RBFOX1: variants seen among roughly 807,000 people sequenced by gnomAD.
The protein encoded by RBFOX1 is RNA binding protein fox-1 homolog 1.
Under a neutral mutation model 57.7 loss-of-function variants are expected in RBFOX1, and 8 were observed. That is an observed-to-expected ratio of 0.14 (90% confidence interval 0.08 to 0.25). RBFOX1 has a LOEUF of 0.25. Among genes scored for constraint, RBFOX1 ranks in the 10% least tolerant of loss-of-function variants. RBFOX1 has a pLI of 1.00. For missense variants in RBFOX1, 611 were observed against 548.5 expected (o/e 1.11, Z -1.14); for synonymous variants, 326 against 222.4 (o/e 1.47, Z -4.15).
chr16:6,928,824 C>G (rs994116002), intron 3 of RBFOX1, among the ~76,000 whole-genome samples: 5 of 152,102 alleles, frequency 3.3e-5, no homozygotes, highest in East Asian at 3.9e-4. Context: ...AGAACAGTAA[C>G]ACACACAAAA....
intron 3 of RBFOX1, among the ~76,000 whole-genome samples, chr16:5,609,639 C>T (rs2047704375): frequency 6.6e-6 from 1 of 152,208 alleles, no homozygotes; most frequent in Admixed American, 6.5e-5. Flanking sequence ...TGCATCCAAA[C>T]CCTCATGTAC....
intron 1 of RBFOX1, among the ~76,000 whole-genome samples, chr16:6,217,767 C>T (rs1051855850): frequency 1.3e-5 from 2 of 152,154 alleles, no homozygotes; most frequent in African/African-American, 4.8e-5. Flanking sequence ...GTAATCCCAG[C>T]ACTTTGGGAG....
At chr16:7,557,029 A>T (rs1297922892) in intron 5 of RBFOX1, among the ~76,000 whole-genome samples, 1 of 152,212 alleles carries the variant, frequency 6.6e-6, no homozygotes, top group Non-Finnish European at 1.5e-5. Context: ...TCAATTATTG[A>T]ACAGTTATTT....
chr16:7,019,890 C>G (rs1255207306), intron 3 of RBFOX1, among the ~76,000 whole-genome samples: 1 of 152,178 alleles, frequency 6.6e-6, no homozygotes, highest in Non-Finnish European at 1.5e-5. Context: ...TGCGTGTGTT[C>G]CAACTAAACC....
intron 1 of RBFOX1, among the ~76,000 whole-genome samples, chr16:6,262,541 C>T (rs1388851692): frequency 1.3e-5 from 2 of 152,118 alleles, no homozygotes; most frequent in Non-Finnish European, 2.9e-5. Context: ...TTGGTTAAAA[C>T]TATGCGTTTG....
intron 3 of RBFOX1, among the ~76,000 whole-genome samples, chr16:5,634,476 T>G (rs995511456): frequency 1.3e-5 from 2 of 152,118 alleles, no homozygotes; most frequent in Non-Finnish European, 2.9e-5. Context: ...TAAACAAAAT[T>G]AAAGAACTTG....
At chr16:7,019,252 A>G (rs545361483) in intron 3 of RBFOX1, among the ~76,000 whole-genome samples, 1 of 152,158 alleles carries the variant, frequency 6.6e-6, no homozygotes, top group South Asian at 2.1e-4. Context: ...AGGTTTTGTT[A>G]GGTTGGTGCT....
intron 4 of RBFOX1, among the ~76,000 whole-genome samples, chr16:7,055,213 A>G (rs1224011332): frequency 2.0e-5 from 3 of 152,214 alleles, no homozygotes; most frequent in East Asian, 1.9e-4. Context: ...AGTTGGATAT[A>G]ATATACAACG....
At chr16:5,640,204 C>G (rs528085446) in intron 3 of RBFOX1, among the ~76,000 whole-genome samples, 1 of 152,286 alleles carries the variant, frequency 6.6e-6, no homozygotes, top group South Asian at 2.1e-4. Flanking sequence ...TGGAGGACTG[C>G]TCATTTCCAA....
At chr16:6,625,266 T>G (rs2154050911) in intron 2 of RBFOX1, among the ~76,000 whole-genome samples, 1 of 150,204 alleles carries the variant, frequency 6.7e-6, no homozygotes, top group South Asian at 2.1e-4. Context: ...TTGAGTTAAG[T>G]GCTAAAGTGA....
chr16:7,220,339 T>C (rs1177822329), intron 4 of RBFOX1, among the ~76,000 whole-genome samples: 1 of 152,204 alleles, frequency 6.6e-6, no homozygotes, highest in African/African-American at 2.4e-5. Context: ...AAACTTGGTG[T>C]CATTCATGCA....
At chr16:5,800,592 G>A (rs1360984775) in intron 3 of RBFOX1, among the ~76,000 whole-genome samples, 1 of 152,248 alleles carries the variant, frequency 6.6e-6, no homozygotes, top group African/African-American at 2.4e-5. Context: ...GACACGGGAT[G>A]GTGAAATGGA....
chr16:7,676,855 T>C lies in RBFOX1; in HGVS notation c.995+17T>C, dbSNP rs778984472. ...CAGTGACAGGTAAGGGTCATCCTTCTTGTGCTTGACAACTACTTGTAAATT... is the reference window on the plus strand; with the variant it reads ...CAGTGACAGGTAAGGGTCATCCTTCCTGTGCTTGACAACTACTTGTAAATT... On this transcript the variant is annotated intron_variant, in intron 14 of 15. Coordinates refer to ENST00000550418, the MANE Select transcript of RBFOX1 (RefSeq NM_018723.4). 2 of 1,603,180 alleles carry C rather than the reference T, an allele frequency of 1.2e-6. No individual in the cohort carries two copies. The highest frequency in any genetic ancestry group is 8.5e-7 in the Non-Finnish European group (1 of 1,170,454).
chr16:7,482,620 C>G (rs747448160), intron 4 of RBFOX1, among the ~76,000 whole-genome samples: 5 of 128,260 alleles, frequency 3.9e-5, no homozygotes, highest in Non-Finnish European at 7.7e-5. Flanking sequence ...AATTCTGGAT[C>G]TGCTTTCCAA....
intron 4 of RBFOX1, among the ~76,000 whole-genome samples, chr16:7,338,544 A>G (rs1040764870): frequency 2.6e-5 from 4 of 152,126 alleles, no homozygotes; most frequent in South Asian, 2.1e-4. Context: ...ATGTACCACT[A>G]TGCTCAGCTT....
chr16:5,663,077 G>T (rs1012557737), intron 3 of RBFOX1, among the ~76,000 whole-genome samples: 4 of 152,154 alleles, frequency 2.6e-5, no homozygotes, highest in Non-Finnish European at 4.4e-5. Context: ...GGAGTGTGTT[G>T]CTGACATGTG....
chr16:7,704,359 G>A (rs551679197), intron 14 of RBFOX1, among the ~76,000 whole-genome samples: 154 of 152,264 alleles, frequency 1.0e-3, no homozygotes, highest in Middle Eastern at 6.8e-3. Context: ...CTTGGCCAGT[G>A]TTTTGCAAAC....
intron 4 of RBFOX1, among the ~76,000 whole-genome samples, chr16:7,264,485 G>A (rs11077166): frequency 0.21 from 32,082 of 152,058 alleles, 4,095 homozygotes; most frequent in African/African-American, 0.34. Context: ...TTTTCTGTAA[G>A]GGCCAAAAGC....
At chr16:5,827,495 C>T (rs1200179880) in intron 3 of RBFOX1, among the ~76,000 whole-genome samples, 2 of 151,978 alleles carry the variant, frequency 1.3e-5, no homozygotes, top group Non-Finnish European at 2.9e-5. Context: ...TCTATGCACC[C>T]CGAGAACTCC....
Sources: gnomAD v4.1 joint callset for allele counts (sites outside exome capture counted in the v4.1 genomes callset) on GRCh38, gnomAD v4.1.1 for gene constraint, MANE v1.5 for transcripts, NCBI Gene and HGNC (gene_info 2026-07-23, HGNC 2026-07-21) for gene names.